Variants in SLC44A5 observed in about 807,000 individuals in gnomAD.
SLC44A5 encodes choline transporter-like protein 5.
In SLC44A5, 57 loss-of-function variants were observed where a neutral mutation model predicts 101.8. The ratio of observed to expected loss-of-function variants is 0.56; its 90% CI spans 0.45 to 0.70. SLC44A5 has a LOEUF of 0.70. Ranked by LOEUF, SLC44A5 falls within the 30% of genes least tolerant of loss-of-function variation. SLC44A5 has a pLI of 0.00. For synonymous variants in SLC44A5, 281 were observed against 290.9 expected (o/e 0.97, Z 0.35); for missense variants, 737 against 853.1 (o/e 0.86, Z 1.70).
intron 1 of SLC44A5, among the ~76,000 whole-genome samples, chr1:75,555,450 T>TA (rs5775294): frequency 0.33 from 50,435 of 151,490 alleles, 9,045 homozygotes; most frequent in Non-Finnish European, 0.42. Flanking sequence ...CAAAATTGAC[T>TA]AAAAAAAAGA....
the SLC44A5 span, among the ~76,000 whole-genome samples, chr1:75,689,364 C>A: frequency 1.3e-5 from 2 of 152,128 alleles, no homozygotes; most frequent in Non-Finnish European, 2.9e-5. Flanking sequence ...TGGGGTACAT[C>A]CCAAGCCTAG....
At chr1:75,712,713 A>AAC in the SLC44A5 span, among the ~76,000 whole-genome samples, 5,682 of 110,572 alleles carry the variant, frequency 0.051, 422 homozygotes, top group African/African-American at 0.092. Flanking sequence ...AAAAAAAAAA[A>AAC]ATGGAAAAGA....
intron 6 of SLC44A5, among the ~76,000 whole-genome samples, chr1:75,268,045 A>G (rs1247684906): frequency 6.6e-6 from 1 of 152,188 alleles, no homozygotes; most frequent in African/African-American, 2.4e-5. Flanking sequence ...ACTTATAAAT[A>G]ATCCAAATAC....
chr1:75,471,741 A>G (rs1557820012), intron 2 of SLC44A5, among the ~76,000 whole-genome samples: 1 of 151,964 alleles, frequency 6.6e-6, no homozygotes, highest in Non-Finnish European at 1.5e-5. Context: ...CTCAGTCTCT[A>G]AACCCTTTGT....
rs555086412 is a variant in SLC44A5 at position 75,534,167 on chromosome 1, CA to C, written c.13+7267del. Among the ~76,000 whole-genome samples, 3 of 152,264 alleles carry C rather than the reference CA, an allele frequency of 2.0e-5. No homozygotes were observed. In the South Asian group the frequency reaches 6.2e-4, roughly 32 times the overall value. ...ATTTGCCATGCTATCTTACTCTAAC[CA>C]TTCTGCTTTTAAATGTAAAGGAAAC... is the stretch of plus-strand genomic sequence containing the variant. On this transcript the variant is annotated intron_variant, in intron 2 of 23. Transcript: ENST00000370859.
At chr1:75,422,739 G>A (rs75979551) in intron 2 of SLC44A5, among the ~76,000 whole-genome samples, 2 of 152,260 alleles carry the variant, frequency 1.3e-5, no homozygotes, top group East Asian at 1.9e-4. Context: ...TATCTGTTCC[G>A]TTTGCTGTCA....
At chr1:75,308,513 T>C (rs1317612996) in intron 4 of SLC44A5, among the ~76,000 whole-genome samples, 1 of 152,204 alleles carries the variant, frequency 6.6e-6, no homozygotes, top group Non-Finnish European at 1.5e-5. Flanking sequence ...GTAAAACTTG[T>C]ATAATATTCA....
intron 4 of SLC44A5, among the ~76,000 whole-genome samples, chr1:75,335,549 C>T (rs774681229): frequency 6.6e-5 from 10 of 152,178 alleles, no homozygotes; most frequent in Non-Finnish European, 1.3e-4. Flanking sequence ...AGGATCCTTA[C>T]ATAGGATCCT....
At chr1:75,241,125 A>G (rs1295125728) in intron 9 of SLC44A5, among the ~76,000 whole-genome samples, 2 of 151,740 alleles carry the variant, frequency 1.3e-5, no homozygotes, top group East Asian at 3.9e-4. Flanking sequence ...TTTCTTTTTG[A>G]CACTTTAAAT....
At chr1:75,276,292 A>G (rs1348241095) in intron 5 of SLC44A5, among the ~76,000 whole-genome samples, 1 of 152,186 alleles carries the variant, frequency 6.6e-6, no homozygotes, top group African/African-American at 2.4e-5. Context: ...AGGCATTTAA[A>G]TAACAAAGTG....
At chr1:75,532,936 T>G (rs1670801738) in intron 2 of SLC44A5, among the ~76,000 whole-genome samples, 1 of 152,352 alleles carries the variant, frequency 6.6e-6, no homozygotes, top group South Asian at 2.1e-4. Flanking sequence ...TTAACTATTA[T>G]TGATATTTAT....
rs559208449 is a variant in SLC44A5 at position 75,512,699 on chromosome 1, T to C, written c.13+28736A>G. The stretch of plus-strand genomic sequence containing the variant: ...GATCATAAGAGTATATTGGAGGTAA[T>C]ACACGTAGTACCCATTGTAATGGAG... On this transcript the variant is annotated intron_variant, in intron 2 of 23. Transcript: ENST00000370859. 2.0e-5 allele frequency among the ~76,000 whole-genome samples: 3 copies of C among 152,298 alleles called. No individual in the cohort carries two copies. In the East Asian group the frequency reaches 5.8e-4, roughly 29 times the overall value.
chr1:75,624,215 G>T, the SLC44A5 span, among the ~76,000 whole-genome samples: 1 of 152,098 alleles, frequency 6.6e-6, no homozygotes, highest in African/African-American at 2.4e-5. Context: ...AAAATAAAAT[G>T]TGTAAGTCCA....
the SLC44A5 span, among the ~76,000 whole-genome samples, chr1:75,650,229 C>G: frequency 2.0e-5 from 3 of 152,170 alleles, no homozygotes; most frequent in Non-Finnish European, 4.4e-5. Flanking sequence ...CCCAGTTTCT[C>G]TCTTTTTCTA....
the SLC44A5 span, among the ~76,000 whole-genome samples, chr1:75,698,829 C>T: frequency 6.6e-6 from 1 of 152,124 alleles, no homozygotes. Flanking sequence ...GAGCTGAAAA[C>T]CAAGACTCGA....
chr1:75,680,789 C>CA, the SLC44A5 span, among the ~76,000 whole-genome samples: 1 of 149,026 alleles, frequency 6.7e-6, no homozygotes, highest in African/African-American at 2.5e-5. Context: ...AATAGAGACA[C>CA]AAAAAACCCT....
chr1:75,708,925 A>G, the SLC44A5 span, among the ~76,000 whole-genome samples: 1 of 152,160 alleles, frequency 6.6e-6, no homozygotes. Flanking sequence ...TTATTTTAAA[A>G]ATAAGTCAGT....
At chr1:75,688,384 G>T in the SLC44A5 span, among the ~76,000 whole-genome samples, 3 of 152,100 alleles carry the variant, frequency 2.0e-5, no homozygotes, top group Non-Finnish European at 2.9e-5. Flanking sequence ...TCACACAAAA[G>T]CTCAGTATAC....
chr1:75,705,882 T>C, the SLC44A5 span, among the ~76,000 whole-genome samples: 11 of 152,234 alleles, frequency 7.2e-5, no homozygotes, highest in African/African-American at 2.7e-4. Context: ...TTTGCCATGA[T>C]GGCCAGGCTG....
Sources: allele counts gnomAD v4.1 joint callset (sites outside exome capture counted in the v4.1 genomes callset), GRCh38; gene constraint gnomAD v4.1.1; transcripts MANE v1.5; gene names NCBI Gene and HGNC (gene_info 2026-07-23, HGNC 2026-07-21).